The following BAZ2B variants were observed in gnomAD, a reference collection of about 807,000 sequenced individuals.
BAZ2B encodes bromodomain adjacent to zinc finger domain protein 2B.
A neutral mutation model predicts 246.0 loss-of-function variants in BAZ2B; 91 were observed. The ratio of observed to expected loss-of-function variants is 0.37; its 90% CI spans 0.31 to 0.44. The LOEUF (loss-of-function observed/expected upper bound fraction) is 0.44. Ranked by LOEUF, BAZ2B falls within the 20% of genes least tolerant of loss-of-function variation. The pLI, the probability that BAZ2B is intolerant of heterozygous loss-of-function variation, is 1.00. For missense variants in BAZ2B, 2,332 were observed against 2,533.7 expected, an observed-to-expected ratio of 0.92 and a Z score of 1.71; for synonymous variants, 855 against 860.0, an observed-to-expected ratio of 0.99 and a Z score of 0.10.
intron 27 of BAZ2B, among the ~76,000 whole-genome samples, chr2:159,356,850 C>T (rs528575032): frequency 9.2e-5 from 14 of 152,096 alleles, no homozygotes. Context: ...CTGGAGTGGA[C>T]CTCCAGCAAA....
intron 3 of BAZ2B, among the ~76,000 whole-genome samples, chr2:159,473,491 T>C (rs948807895): frequency 1.3e-5 from 2 of 152,228 alleles, no homozygotes; most frequent in Admixed American, 6.5e-5. Context: ...GTCTATTTTG[T>C]TGATCTTTTC....
rs573098132 is a variant in BAZ2B at position 159,532,825 on chromosome 2, A to G, written c.-3+22998T>C. 7.2e-5 allele frequency among the ~76,000 whole-genome samples: 11 copies of G among 152,316 alleles called. No homozygotes were observed. In the South Asian group the frequency reaches 1.9e-3, roughly 26 times the overall value. ...TTTACAAGTCACACTCGTTTTAGGT[A>G]GACATGGCCAGTACGGAGAAGGAAA... On this transcript the variant is annotated intron_variant, in intron 2 of 36. Coordinates refer to ENST00000392783, the MANE Select transcript of BAZ2B (RefSeq NM_013450.4).
At chr2:159,386,257 G>T (rs1460679857) in intron 22 of BAZ2B, 96 bp downstream of exon 22, 1 of 1,284,628 alleles carries the variant, frequency 7.8e-7, no homozygotes, top group East Asian at 2.5e-5. Context: ...GGAAAAATTA[G>T]ATCAATCTAT....
Position 159,451,046 on chromosome 2 carries a change from G to T in BAZ2B, c.334+2567C>A, listed in dbSNP as rs187532474. On this transcript the variant is annotated intron_variant, in intron 4 of 36. Coordinates refer to ENST00000392783, the MANE Select transcript of BAZ2B (RefSeq NM_013450.4). ...CAATATTTGACATATTTAACTCAAA[G>T]ATTCTATTAATAATATTTCAGAGGA... 2.2e-3 allele frequency among the ~76,000 whole-genome samples: 335 copies of T among 152,210 alleles called. 2 individuals are homozygous for T. Among genetic ancestry groups the T allele is most frequent in the Non-Finnish European group, 3.4e-3 (234 of 68,006 alleles).
At chr2:159,464,162 C>A (rs2076759252) in intron 3 of BAZ2B, 1 of 152,130 alleles carries the variant, frequency 6.6e-6, no homozygotes, top group Admixed American at 6.6e-5. Flanking sequence ...AGAAATTAAC[C>A]TTGATTAACT....
chr2:159,670,934 T>C, the BAZ2B span: 1 of 152,238 alleles, frequency 6.6e-6, no homozygotes, highest in Non-Finnish European at 1.5e-5. Flanking sequence ...TTTCAGGTTT[T>C]AAGATGATGT....
intron 14 of BAZ2B, among the ~76,000 whole-genome samples, chr2:159,409,562 T>G (rs990666757): frequency 2.0e-5 from 3 of 152,190 alleles, no homozygotes; most frequent in African/African-American, 7.2e-5. Flanking sequence ...TTCTGAAACT[T>G]TCTTCAAATT....
rs1307561811 is a variant in BAZ2B, at chr2:159,427,927, T to A, written c.2466+14A>T. ...TTTTTGGTTCAAAGACTATACTTTT[T>A]AAAAAGTGGATACCTGCGGTCCATC... On this transcript the variant is annotated intron_variant, in intron 13 of 36. Coordinates refer to ENST00000392783, the MANE Select transcript of BAZ2B (RefSeq NM_013450.4). The A allele has an allele frequency of 6.2e-7, 1 of 1,607,012 alleles. No individual in the cohort carries two copies. The highest frequency in any genetic ancestry group is 1.1e-5 in the South Asian group (1 of 90,756).
the BAZ2B span, among the ~76,000 whole-genome samples, chr2:159,689,513 A>C: frequency 8.6e-5 from 13 of 152,038 alleles, 1 homozygote; most frequent in South Asian, 1.7e-3. Flanking sequence ...CTGGGATTAC[A>C]GGTGCACACC....
At position 159,589,616 on chromosome 2, in the gene BAZ2B, A is replaced by G. The variant is rs545880487; in HGVS notation, c.-46+26626T>C. On this transcript the variant is annotated intron_variant, in intron 1 of 36. Transcript: ENST00000392783. ...TGGCTAATAAGAATATAAAGCATTC[A>G]CAATTAGCAAAATATCTTAAGACAC... 7.2e-5 allele frequency among the ~76,000 whole-genome samples: 11 copies of G among 152,350 alleles called. 1 individual carries two copies. Among genetic ancestry groups the G allele is most frequent in the South Asian group, 2.1e-4 (1 of 4,830 alleles).
chr2:159,497,519 A>T (rs556961727), intron 2 of BAZ2B, among the ~76,000 whole-genome samples: 3 of 152,150 alleles, frequency 2.0e-5, no homozygotes, highest in Non-Finnish European at 4.4e-5. Flanking sequence ...GATATAACCC[A>T]AGGAGACAAG....
chr2:159,360,728 G>T (rs2059598990), intron 27 of BAZ2B, among the ~76,000 whole-genome samples: 1 of 152,184 alleles, frequency 6.6e-6, no homozygotes, highest in African/African-American at 2.4e-5. Context: ...AACTAAAACA[G>T]TATGGTACTG....
At position 159,433,101 on chromosome 2, in the gene BAZ2B, A is replaced by G; in HGVS notation, c.1556T>C (p.Ile519Thr). The G allele has an allele frequency of 6.2e-7, 1 of 1,614,220 alleles. No individual in the cohort carries two copies. The highest frequency in any genetic ancestry group is 8.5e-7 in the Non-Finnish European group (1 of 1,180,026). The change falls in exon 9 of 37, where the codon ATT (isoleucine) becomes ACT (threonine). Residue 519 changes from isoleucine to threonine, a missense_variant. This residue lies in a region of BAZ2B where 651 missense variants were observed against 650.9 expected (regional missense o/e 1.00). Transcript: ENST00000392783. Reference sequence around the variant, plus strand: ...ACTTGCAGCAGCAATGTTTTCATTAATCTTGCTCTGCATTTTAGTTTTGGT... The same window carrying G: ...ACTTGCAGCAGCAATGTTTTCATTAGTCTTGCTCTGCATTTTAGTTTTGGT... ...LTTKTKMQSK[I>T]NENIAAASST... is the part of the protein sequence containing the mutation.
chr2:159,454,126 A>G (rs981876977), intron 3 of BAZ2B, among the ~76,000 whole-genome samples: 2 of 152,162 alleles, frequency 1.3e-5, no homozygotes, highest in African/African-American at 4.8e-5. Context: ...ATATACATTA[A>G]TATATTTTCA....
chr2:159,583,607 C>T (rs1687351812), intron 1 of BAZ2B, among the ~76,000 whole-genome samples: 1 of 152,080 alleles, frequency 6.6e-6, no homozygotes, highest in South Asian at 2.1e-4. Flanking sequence ...GTAGTGCCTA[C>T]TGTGTACCAG....
chr2:159,377,142 A>G (rs1279514737), intron 25 of BAZ2B, among the ~76,000 whole-genome samples: 2 of 152,188 alleles, frequency 1.3e-5, no homozygotes, highest in Non-Finnish European at 2.9e-5. Context: ...TTCTAATTGA[A>G]AGGGATCCTA....
intron 1 of BAZ2B, among the ~76,000 whole-genome samples, chr2:159,608,885 C>T (rs988281594): frequency 2.6e-5 from 4 of 152,172 alleles, no homozygotes; most frequent in South Asian, 4.1e-4. Context: ...AAAATGCACT[C>T]TTAGGACTGG....
At chr2:159,686,671 G>A in the BAZ2B span, among the ~76,000 whole-genome samples, 1 of 152,068 alleles carries the variant, frequency 6.6e-6, no homozygotes, top group Non-Finnish European at 1.5e-5. Context: ...GACATTAACC[G>A]AAAAACAGGT....
intron 2 of BAZ2B, among the ~76,000 whole-genome samples, chr2:159,514,285 G>A (rs368232020): frequency 3.3e-4 from 50 of 152,150 alleles, no homozygotes; most frequent in African/African-American, 1.2e-3. Flanking sequence ...AATTAAATAC[G>A]GAAATAAAAC....
Sources: allele counts gnomAD v4.1 joint callset (sites outside exome capture counted in the v4.1 genomes callset), GRCh38; gene constraint gnomAD v4.1.1; regional missense constraint gnomAD v4.1.1; transcripts MANE v1.5; gene names NCBI Gene and HGNC (gene_info 2026-07-23, HGNC 2026-07-21).